Variants in ZNF407 observed in about 807,000 individuals in gnomAD.
The protein encoded by ZNF407 is zinc finger protein 407.
A neutral mutation model predicts 131.2 loss-of-function variants in ZNF407; 17 were observed. The ratio of observed to expected loss-of-function variants is 0.13; its 90% CI spans 0.09 to 0.19. ZNF407 has a LOEUF of 0.19. Ranked by LOEUF, ZNF407 falls within the 10% of genes least tolerant of loss-of-function variation. The pLI, the probability that ZNF407 is intolerant of heterozygous loss-of-function variation, is 1.00. For missense variants in ZNF407, 2,681 were observed against 2,830.6 expected (o/e 0.95, Z 1.20); for synonymous variants, 1,156 against 1,062.0 (o/e 1.09, Z -1.72).
chr18:74,717,843 T>A (rs1967931995), intron 3 of ZNF407, among the ~76,000 whole-genome samples: 1 of 152,248 alleles, frequency 6.6e-6, no homozygotes, highest in Admixed American at 6.5e-5. Context: ...AATGCTCCAA[T>A]GAGCGTTTCC....
Position 74,632,043 on chromosome 18 carries a change from A to G in ZNF407, c.1024A>G (p.Ser342Gly). The change falls in exon 2 of 9, where the codon AGT becomes GGT. Residue 342 changes from serine (S) to glycine (G), a missense_variant. Ser to Gly is a moderately conservative substitution (Grantham distance 56). This residue lies in a region of ZNF407 where 1,789 missense variants were observed against 1,748.7 expected (regional missense o/e 1.02). Coordinates refer to ENST00000299687, the MANE Select transcript of ZNF407 (RefSeq NM_017757.3). Reference sequence around the variant, plus strand: ...TATTTCTAAACAAAGTGGTAGTAGCAGTGAGCTTCTTGTTGAAATGATGCC... The same window carrying G: ...TATTTCTAAACAAAGTGGTAGTAGCGGTGAGCTTCTTGTTGAAATGATGCC... Reference protein sequence around the residue: ...GSISKQSGSSSELLVEMMPSR... With the variant: ...GSISKQSGSSGELLVEMMPSR... 6.2e-7 allele frequency: 1 copy of G among 1,613,812 alleles called. No homozygotes were observed. The highest frequency in any genetic ancestry group is 8.5e-7 in the Non-Finnish European group (1 of 1,179,828).
At chr18:74,846,246 A>G (rs1320568155) in intron 4 of ZNF407, among the ~76,000 whole-genome samples, 2 of 152,202 alleles carry the variant, frequency 1.3e-5, no homozygotes, top group Non-Finnish European at 2.9e-5. Flanking sequence ...ATACATCCTA[A>G]CAAACAGCTT....
rs1984323372 is a variant in ZNF407 at position 74,634,377 on chromosome 18, A to G, written c.3358A>G (p.Lys1120Glu). 6.2e-6 allele frequency: 10 copies of G among 1,613,826 alleles called. No homozygotes were observed. The East Asian group carries it at 2.2e-4, about 36-fold the overall frequency. Residue 1120 changes from lysine to glutamate, a missense_variant, in exon 2 of 9, where the codon AAA becomes GAA. Physicochemically the swap from Lys to Glu is moderately conservative, Grantham distance 56. Transcript: ENST00000299687. ...IISGQPSDTL[K>E]SRNAADCSIL... ...TTCAGGTCAACCATCTGATACTCTT[A>G]AATCTAGAAATGCTGCAGATTGCTC...
At chr18:75,021,847 T>A (rs1278989936) in intron 8 of ZNF407, among the ~76,000 whole-genome samples, 1 of 151,986 alleles carries the variant, frequency 6.6e-6, no homozygotes, top group African/African-American at 2.4e-5. Flanking sequence ...TTAATAGATA[T>A]AACTATATAA....
intron 8 of ZNF407, among the ~76,000 whole-genome samples, chr18:74,927,327 C>G (rs1322685870): frequency 6.6e-6 from 1 of 152,144 alleles, no homozygotes; most frequent in Non-Finnish European, 1.5e-5. Context: ...AATTGATTGG[C>G]AGGTTAATGA....
intron 4 of ZNF407, among the ~76,000 whole-genome samples, chr18:74,847,074 A>G (rs976775267): frequency 5.9e-5 from 9 of 152,172 alleles, no homozygotes; most frequent in African/African-American, 2.2e-4. Context: ...AGGATGTTCT[A>G]CTGAGAGATG....
intron 8 of ZNF407, among the ~76,000 whole-genome samples, chr18:75,053,537 G>C (rs961689150): frequency 2.6e-5 from 4 of 152,074 alleles, no homozygotes; most frequent in Non-Finnish European, 5.9e-5. Context: ...CTCATAGTTT[G>C]TCTTTTGTTT....
At chr18:74,666,781 C>T (rs892186909) in intron 3 of ZNF407, among the ~76,000 whole-genome samples, 1 of 152,190 alleles carries the variant, frequency 6.6e-6, no homozygotes, top group Non-Finnish European at 1.5e-5. Context: ...AATGCGGTTT[C>T]TGAATGTTGG....
chr18:74,812,582 CGT>C (rs145435375), intron 4 of ZNF407, among the ~76,000 whole-genome samples: 5 of 151,406 alleles, frequency 3.3e-5, no homozygotes, highest in African/African-American at 9.7e-5. Context: ...GTTGTGTGAG[CGT>C]GTGTGTGTGT....
chr18:74,848,329 T>C (rs1036347649), intron 4 of ZNF407, among the ~76,000 whole-genome samples: 3 of 152,154 alleles, frequency 2.0e-5, no homozygotes, highest in African/African-American at 4.8e-5. Context: ...GGGTGATACT[T>C]GACTGGAAAG....
At chr18:74,944,791 CCT>C (rs2145272111) in intron 8 of ZNF407, among the ~76,000 whole-genome samples, 1 of 152,324 alleles carries the variant, frequency 6.6e-6, no homozygotes, top group South Asian at 2.1e-4. Flanking sequence ...AGGGGGGAAG[CCT>C]CTGTTTACTT....
intron 8 of ZNF407, among the ~76,000 whole-genome samples, chr18:74,993,991 G>T (rs557939192): frequency 4.6e-5 from 7 of 152,258 alleles, no homozygotes; most frequent in Admixed American, 2.0e-4. Context: ...ATAATGCTGT[G>T]GTCCGGTTTG....
At position 74,666,965 on chromosome 18, in the gene ZNF407, G is replaced by T. The variant is rs533401670; in HGVS notation, c.4802+25843G>T. ...TCAGACTGAGTTGAGGCAGTTGTCC[G>T]CCCCGCCTTCATCTTTTCCCCAGGG... On this transcript the variant is annotated intron_variant, in intron 3 of 8. Transcript: ENST00000299687. Among the ~76,000 whole-genome samples the T allele has an allele frequency of 4.7e-4, 72 of 152,242 alleles. 1 individual carries two copies. The highest frequency in any genetic ancestry group is 1.6e-3 in the African/African-American group (68 of 41,544).
intron 4 of ZNF407, among the ~76,000 whole-genome samples, chr18:74,825,451 T>G (rs1312727463): frequency 6.6e-6 from 1 of 152,214 alleles, no homozygotes; most frequent in Non-Finnish European, 1.5e-5. Flanking sequence ...CCCCAGCATC[T>G]CAGCCCAAAA....
chr18:74,795,968 G>A (rs1476801975), intron 4 of ZNF407, among the ~76,000 whole-genome samples: 2 of 152,226 alleles, frequency 1.3e-5, no homozygotes, highest in African/African-American at 2.4e-5. Flanking sequence ...ACACGCACAC[G>A]TGCCCTTGCA....
intron 8 of ZNF407, among the ~76,000 whole-genome samples, chr18:74,968,380 C>G (rs1009298256): frequency 1.3e-5 from 2 of 152,166 alleles, no homozygotes; most frequent in Non-Finnish European, 2.9e-5. Flanking sequence ...CAGTGGGCCC[C>G]CATACTTCTG....
intron 4 of ZNF407, among the ~76,000 whole-genome samples, chr18:74,869,392 C>G (rs1205146404): frequency 2.0e-5 from 3 of 152,120 alleles, no homozygotes; most frequent in African/African-American, 7.2e-5. Context: ...GCCCTGCAGC[C>G]CTGCCATACA....
intron 4 of ZNF407, among the ~76,000 whole-genome samples, chr18:74,835,236 C>T (rs956380355): frequency 2.0e-5 from 3 of 152,192 alleles, no homozygotes; most frequent in African/African-American, 7.2e-5. Flanking sequence ...ACCACACCAT[C>T]GGAGTGTGGG....
In ZNF407 at chr18:74,635,530, A is replaced by G; in HGVS notation, c.4511A>G (p.His1504Arg). 1 of 1,613,126 alleles carries G rather than the reference A, an allele frequency of 6.2e-7. No individual in the cohort carries two copies. The highest frequency in any genetic ancestry group is 1.3e-5 in the African/African-American group (1 of 75,032). Residue 1504 changes from histidine (H) to arginine (R), a missense_variant, in exon 2 of 9, where the codon CAT (histidine) becomes CGT (arginine). By Grantham distance (29) the His-to-Arg change is conservative (BLOSUM62 0). This residue lies in a region of ZNF407 where 213 missense variants were observed against 332.2 expected (regional missense o/e 0.64). Transcript: ENST00000299687. The surrounding 1 kb of genome is among the most constrained non-coding windows in gnomAD (Gnocchi z 4.7). ...GATTCTGAACAGAATTTATTTTTAC[A>G]TATTAAAGGACAGCATGAGGAATTG... ...PFDSEQNLFL[H>R]IKGQHEELLR...
Sources: gnomAD v4.1 joint callset for allele counts (sites outside exome capture counted in the v4.1 genomes callset) on GRCh38, gnomAD v4.1.1 for gene constraint, gnomAD v4.1.1 regional missense constraint, Gnocchi (gnomAD v3.1) non-coding constraint, MANE v1.5 for transcripts, NCBI Gene and HGNC (gene_info 2026-07-23, HGNC 2026-07-21) for gene names.